The following ADAM10 variants were observed in gnomAD, a reference collection of about 807,000 sequenced individuals.
The protein encoded by ADAM10 is ADAM metallopeptidase domain 10.
In ADAM10, 17 loss-of-function variants were observed where a neutral mutation model predicts 90.1. That is an observed-to-expected ratio of 0.19 (90% CI 0.13 to 0.28). The LOEUF (loss-of-function observed/expected upper bound fraction) is 0.28. Among genes scored for constraint, ADAM10 ranks in the 10% least tolerant of loss-of-function variants. ADAM10 has a pLI of 1.00. For synonymous variants in ADAM10, 310 were observed against 298.6 expected (o/e 1.04, Z -0.40); for missense variants, 610 against 914.3 (o/e 0.67, Z 4.29).
At chr15:58,690,848 T>A (rs1454326477) in intron 2 of ADAM10, among the ~76,000 whole-genome samples, 3 of 152,208 alleles carry the variant, frequency 2.0e-5, no homozygotes, top group Non-Finnish European at 4.4e-5. Flanking sequence ...CCTAGCTTGA[T>A]CATGTGGTAG....
chr15:58,745,648 A>G (rs189656315), intron 1 of ADAM10, among the ~76,000 whole-genome samples: 3 of 152,344 alleles, frequency 2.0e-5, no homozygotes, highest in Non-Finnish European at 4.4e-5. Flanking sequence ...ATAAGGGGTC[A>G]CAGTCAAACA....
intron 4 of ADAM10, among the ~76,000 whole-genome samples, chr15:58,669,769 A>T (rs1419103218): frequency 6.6e-6 from 1 of 152,180 alleles, no homozygotes; most frequent in East Asian, 1.9e-4. Context: ...CATGGTATCC[A>T]CACAACAGAC....
intron 1 of ADAM10, among the ~76,000 whole-genome samples, chr15:58,736,983 C>CA (rs1899451895): frequency 6.6e-6 from 1 of 151,664 alleles, no homozygotes; most frequent in African/African-American, 2.4e-5. Flanking sequence ...TAAGTAATAC[C>CA]AAAAAATCAC....
At chr15:58,699,642 C>T (rs950053239) in intron 2 of ADAM10, among the ~76,000 whole-genome samples, 2 of 151,938 alleles carry the variant, frequency 1.3e-5, no homozygotes, top group Non-Finnish European at 1.5e-5. Context: ...AGCATGGTGG[C>T]GTACACCTTT....
At chr15:58,603,672 G>C (rs575151728) in intron 14 of ADAM10, among the ~76,000 whole-genome samples, 1 of 151,532 alleles carries the variant, frequency 6.6e-6, no homozygotes, top group Non-Finnish European at 1.5e-5. Context: ...ACCCTTCTTC[G>C]AATGCTTCCC....
At chr15:58,739,560 A>G (rs1199038347) in intron 1 of ADAM10, among the ~76,000 whole-genome samples, 1 of 152,094 alleles carries the variant, frequency 6.6e-6, no homozygotes, top group Non-Finnish European at 1.5e-5. Context: ...CAAAAAATAA[A>G]TTCTTAAATT....
At chr15:58,620,423 T>C (rs1462406011) in intron 11 of ADAM10, among the ~76,000 whole-genome samples, 5 of 151,438 alleles carry the variant, frequency 3.3e-5, no homozygotes, top group African/African-American at 4.9e-5. Context: ...GCTGAAATCA[T>C]GCCACTGCAC....
At chr15:58,643,782 T>G in intron 7 of ADAM10, 104 bp downstream of exon 7, 1 of 931,780 alleles carries the variant, frequency 1.1e-6, no homozygotes, top group Non-Finnish European at 1.7e-6. Flanking sequence ...ACTAAACTAC[T>G]TAATTCATAA....
At chr15:58,703,408 T>C (rs1163671755) in intron 2 of ADAM10, among the ~76,000 whole-genome samples, 6 of 151,488 alleles carry the variant, frequency 4.0e-5, no homozygotes, top group Non-Finnish European at 7.4e-5. Flanking sequence ...TCAATGTTCA[T>C]AGCAACACAG....
intron 15 of ADAM10, 149 bp downstream of exon 15, chr15:58,599,449 C>G: frequency 2.0e-6 from 2 of 987,766 alleles, no homozygotes; most frequent in Non-Finnish European, 3.1e-6. Context: ...AAAAAGCACA[C>G]AAATATCAAC....
At chr15:58,679,403 T>A in intron 3 of ADAM10, 121 bp from the exon 4 acceptor site, 1 of 831,642 alleles carries the variant, frequency 1.2e-6, no homozygotes, top group Non-Finnish European at 1.9e-6. Flanking sequence ...TACACATATA[T>A]ATGGTTAAAT....
At chr15:58,726,391 C>G (rs774081113) in intron 1 of ADAM10, among the ~76,000 whole-genome samples, 3 of 151,152 alleles carry the variant, frequency 2.0e-5, no homozygotes, top group Non-Finnish European at 4.4e-5. Context: ...ATGGTGAAAC[C>G]CCATCTCTAC....
chr15:58,690,950 C>G (rs994542427), intron 2 of ADAM10, among the ~76,000 whole-genome samples: 1 of 152,210 alleles, frequency 6.6e-6, no homozygotes, highest in East Asian at 1.9e-4. Flanking sequence ...CACTGACAGC[C>G]TCGTTGTTCT....
intron 1 of ADAM10, among the ~76,000 whole-genome samples, chr15:58,737,388 T>A (rs543690847): frequency 1.3e-5 from 2 of 152,268 alleles, no homozygotes; most frequent in South Asian, 4.2e-4. Flanking sequence ...AGAACCTGAC[T>A]GACTAAAAGG....
In ADAM10 at chr15:58,594,545, T is replaced by C. The variant is rs1279641496; in HGVS notation, c.*3002A>G. 3.9e-5 allele frequency: 6 copies of C among 152,170 alleles called. No individual in the cohort carries two copies. The highest frequency in any genetic ancestry group is 8.8e-5 in the Non-Finnish European group (6 of 68,022). 9.4% of individuals were successfully genotyped at this position (152,170 alleles called of 1,614,324 possible). A position where few individuals can be genotyped will look rare whatever the true frequency, so the allele number is the denominator to read the frequency against. On this transcript the variant is annotated 3_prime_UTR_variant, in exon 16 of 16. Transcript: ENST00000260408. ...CAAGACTGATCAGAGAAAGTTGTCATTTCCTTAAATAAATGCTTCCCCAAA... is the reference window on the plus strand; with the variant it reads ...CAAGACTGATCAGAGAAAGTTGTCACTTCCTTAAATAAATGCTTCCCCAAA...
At chr15:58,597,742 G>T in intron 15 of ADAM10, 101 bp from the exon 16 acceptor site, 1 of 1,324,442 alleles carries the variant, frequency 7.6e-7, no homozygotes, top group Non-Finnish European at 1.0e-6. Context: ...TTAGTTCAGT[G>T]CTGTCCAATA....
At chr15:58,741,604 C>T (rs1305547214) in intron 1 of ADAM10, among the ~76,000 whole-genome samples, 1 of 152,196 alleles carries the variant, frequency 6.6e-6, no homozygotes, top group African/African-American at 2.4e-5. Context: ...TTTTATAAAA[C>T]CACACTCACT....
At chr15:58,696,449 T>TC (rs1381984886) in intron 2 of ADAM10, among the ~76,000 whole-genome samples, 1 of 150,970 alleles carries the variant, frequency 6.6e-6, no homozygotes, top group Non-Finnish European at 1.5e-5. Flanking sequence ...GATACTGATT[T>TC]CTTTTTTTCT....
chr15:58,730,143 G>A (rs923577866), intron 1 of ADAM10, among the ~76,000 whole-genome samples: 1 of 152,128 alleles, frequency 6.6e-6, no homozygotes, highest in Non-Finnish European at 1.5e-5. Context: ...TACTCAACCT[G>A]TATATCCTTA....
Sources: gnomAD v4.1 joint callset for allele counts (sites outside exome capture counted in the v4.1 genomes callset) on GRCh38, gnomAD v4.1.1 for gene constraint, MANE v1.5 for transcripts, NCBI Gene and HGNC (gene_info 2026-07-23, HGNC 2026-07-21) for gene names.